The following ZC3H18 variants were observed in gnomAD, a reference collection of about 807,000 sequenced individuals.
The protein encoded by ZC3H18 is zinc finger CCCH-type containing 18, also known as zinc finger CCCH domain-containing protein 18.
In ZC3H18, 8 loss-of-function variants were observed where a neutral mutation model predicts 106.1. The observed-to-expected ratio is 0.08, with a 90% CI of 0.04 to 0.14. The LOEUF (loss-of-function observed/expected upper bound fraction) is 0.14. Ranked by LOEUF, ZC3H18 falls within the 10% of genes least tolerant of loss-of-function variation. The pLI is 1.00. For missense variants in ZC3H18, 1,318 were observed against 1,278.4 expected (o/e 1.03, Z -0.47); for synonymous variants, 635 against 522.1 (o/e 1.22, Z -2.95).
intron 1 of ZC3H18, among the ~76,000 whole-genome samples, chr16:88,573,892 G>A (rs1033998974): frequency 3.3e-5 from 5 of 150,642 alleles, no homozygotes; most frequent in Admixed American, 3.3e-4. Context: ...TTTTTTTTGA[G>A]ACGGAGTTTT....
intron 3 of ZC3H18, 78 bp from the exon 4 acceptor site, chr16:88,598,100 C>CAGAG: frequency 7.5e-6 from 2 of 266,572 alleles, no homozygotes; most frequent in South Asian, 2.7e-5. Context: ...CTGCCCCCTC[C>CAGAG]CACCCCCCAC....
Position 88,627,544 on chromosome 16 carries a change from A to C in ZC3H18, c.2109-78A>C. The C allele has an allele frequency of 6.6e-7, 1 of 1,523,970 alleles. No individual in the cohort carries two copies. Among genetic ancestry groups the C allele is most frequent in the Non-Finnish European group, 8.8e-7 (1 of 1,130,106 alleles). The allele number at this position is 1,523,970 out of a possible 1,614,324, so 94.4% of individuals were successfully genotyped here. A position where few individuals can be genotyped will look rare whatever the true frequency, so the allele number is the denominator to read the frequency against. Reference sequence around the variant, plus strand: ...GATCCATAAATGGACACTGCGTAAAAGTGGACCATGGAGCACCCCCTGCTG... The same window carrying C: ...GATCCATAAATGGACACTGCGTAAACGTGGACCATGGAGCACCCCCTGCTG... On this transcript the variant is annotated intron_variant, in intron 13 of 17. Transcript: ENST00000301011. The surrounding 1 kb of genome is among the most constrained non-coding windows in gnomAD (Gnocchi z 4.5).
intron 2 of ZC3H18, among the ~76,000 whole-genome samples, chr16:88,580,156 CTGTGTGTGTGTGTGTGTGTGTGTGTGTG>C (rs56406234): frequency 3.9e-5 from 5 of 126,844 alleles, no homozygotes; most frequent in African/African-American, 6.2e-5. Context: ...ACAGGTTCAT[CTGTGTGTGTGTGTGTGTGTGTGTGTGTG>C]TGTGTGTGTG....
Position 88,598,126 on chromosome 16 carries a change from T to C in ZC3H18, c.689-52T>C, listed in dbSNP as rs369503297. ...CACCCCCCACCCCAGCAGCTGCCCTTGTGCAATTAGGCTCTTGTGGACCCT... is the reference window on the plus strand; with the variant it reads ...CACCCCCCACCCCAGCAGCTGCCCTCGTGCAATTAGGCTCTTGTGGACCCT... On this transcript the variant is annotated intron_variant, in intron 3 of 17. Transcript: ENST00000301011. The C allele has an allele frequency of 1.1e-5, 8 of 722,470 alleles. No individual in the cohort carries two copies. In the African/African-American group the frequency reaches 1.9e-4, roughly 17 times the overall value. 44.8% of individuals were successfully genotyped at this position (722,470 alleles called of 1,614,324 possible). A position where few individuals can be genotyped will look rare whatever the true frequency, so the allele number is the denominator to read the frequency against.
intron 8 of ZC3H18, among the ~76,000 whole-genome samples, chr16:88,612,795 A>G (rs1056925783): frequency 1.7e-4 from 26 of 152,066 alleles, no homozygotes; most frequent in Admixed American, 3.9e-4. Flanking sequence ...TGAGCTCAGG[A>G]ATTGAGATCA....
chr16:88,611,806 C>G (rs975099354), intron 8 of ZC3H18, among the ~76,000 whole-genome samples: 2 of 152,210 alleles, frequency 1.3e-5, no homozygotes, highest in Non-Finnish European at 1.5e-5. Flanking sequence ...AAAATGCTTA[C>G]AGTCCACGTG....
intron 3 of ZC3H18, among the ~76,000 whole-genome samples, chr16:88,588,131 C>G (rs1236572843): frequency 6.6e-6 from 1 of 152,200 alleles, no homozygotes; most frequent in Non-Finnish European, 1.5e-5. Flanking sequence ...TTCACAGTGT[C>G]AGTATTTAAA....
rs778547212 is a variant in ZC3H18, at chr16:88,623,274, C to T, written c.1723C>T (p.Arg575Trp). 11 of 1,613,802 alleles carry T rather than the reference C, an allele frequency of 6.8e-6. No homozygotes were observed. Among genetic ancestry groups the T allele is most frequent in the African/African-American group, 2.7e-5 (2 of 75,048 alleles). The change falls in exon 10 of 18, where the codon CGG becomes TGG. Residue 575 changes from arginine (R) to tryptophan (W), a missense_variant. This residue lies in a region of ZC3H18 where 848 missense variants were observed against 821.7 expected (regional missense o/e 1.03). Transcript: ENST00000301011. ...CTCCGGCTCCTCCCGGTCGCGATCC[C>T]GGTCTTCATCCTACAGCTCCTACTC... ...SGSGSSRSRS[R>W]SSSYSSYSSR...
chr16:88,630,762 C>CG, intron 17 of ZC3H18, among the ~76,000 whole-genome samples, 181 bp downstream of exon 17: 1 of 111,318 alleles, frequency 9.0e-6, no homozygotes. Flanking sequence ...CCCCACCCCC[C>CG]CCCACACACA....
intron 1 of ZC3H18, among the ~76,000 whole-genome samples, chr16:88,572,384 A>G (rs1597313180): frequency 6.6e-6 from 1 of 151,686 alleles, no homozygotes; most frequent in Non-Finnish European, 1.5e-5. Context: ...GCTCACCGCA[A>G]CCTCCTCCTC....
At chr16:88,628,350 G>A (rs897661869) in intron 15 of ZC3H18, among the ~76,000 whole-genome samples, 2 of 152,174 alleles carry the variant, frequency 1.3e-5, no homozygotes, top group Admixed American at 1.3e-4. Flanking sequence ...AACAGAGAGG[G>A]CGTTCTCTTC....
In ZC3H18 at chr16:88,627,508, C is replaced by G; in HGVS notation, c.2109-114C>G. On this transcript the variant is annotated intron_variant, in intron 13 of 17. Coordinates refer to ENST00000301011, the MANE Select transcript of ZC3H18 (RefSeq NM_144604.4). The surrounding 1 kb of genome is among the most constrained non-coding windows in gnomAD (Gnocchi z 4.5). ...AGTGTCCCCCCAAAATCACACATTC[C>G]GTGGGTACATGATCCATAAATGGAC... 4.3e-6 allele frequency: 6 copies of G among 1,396,188 alleles called. No homozygotes were observed. The highest frequency in any genetic ancestry group is 5.8e-6 in the Non-Finnish European group (6 of 1,034,876). 86.5% of individuals were successfully genotyped at this position (1,396,188 alleles called of 1,614,324 possible).
chr16:88,621,733 C>T lies in ZC3H18; in HGVS notation c.1476-464C>T, dbSNP rs1258626755. On this transcript the variant is annotated intron_variant, in intron 8 of 17. Transcript: ENST00000301011. ...CTGGAACTCCCGACCTCAAGTAATC[C>T]ACCCGCCTCGTCCTCGCAAAGTGCT... Among the ~76,000 whole-genome samples the T allele has an allele frequency of 5.9e-5, 9 of 152,190 alleles. No individual in the cohort carries two copies. In the East Asian group the frequency reaches 1.7e-3, roughly 29 times the overall value.
chr16:88,619,899 G>A (rs1905855410), intron 8 of ZC3H18, among the ~76,000 whole-genome samples: 1 of 152,186 alleles, frequency 6.6e-6, no homozygotes, highest in Admixed American at 6.5e-5. Context: ...GTATAAAGGT[G>A]AAAGTAGCTC....
intron 6 of ZC3H18, among the ~76,000 whole-genome samples, chr16:88,603,749 A>G (rs1344638810): frequency 6.6e-6 from 1 of 150,536 alleles, no homozygotes; most frequent in African/African-American, 2.4e-5. Context: ...CAGCTTACCA[A>G]GTAGCTGGGA....
chr16:88,622,497 G>A (rs868574448), intron 9 of ZC3H18, 109 bp downstream of exon 9: 12 of 1,280,736 alleles, frequency 9.4e-6, no homozygotes, highest in East Asian at 5.1e-5. Context: ...ACTGTTTGCT[G>A]TGGCGTCGTT....
At position 88,625,490 on chromosome 16, in the gene ZC3H18, T is replaced by G. The variant is rs553063129; in HGVS notation, c.2108+223T>G. 22 of 587,560 alleles carry G rather than the reference T, an allele frequency of 3.7e-5. 1 individual carries two copies. In the South Asian group the frequency reaches 4.2e-4, roughly 11 times the overall value. 36.4% of individuals were successfully genotyped at this position (587,560 alleles called of 1,614,324 possible). A position where few individuals can be genotyped will look rare whatever the true frequency, so the allele number is the denominator to read the frequency against. On this transcript the variant is annotated intron_variant, in intron 13 of 17. Transcript: ENST00000301011. ...CCCCCTCCCCCCACCAAAAAAAGAT[T>G]CACAAACTCGGGGGCACTCAGGTCA...
chr16:88,599,939 G>T lies in ZC3H18; in HGVS notation c.1079G>T (p.Arg360Ile), dbSNP rs761115801. ...DWNSRIPRDV[R>I]DTVLEPYADP... Reference sequence around the variant, plus strand: ...AATTCTCGGATCCCGAGAGATGTCAGAGACACAGTGTAAGGAATGGCCCTG... The same window carrying T: ...AATTCTCGGATCCCGAGAGATGTCATAGACACAGTGTAAGGAATGGCCCTG... The change falls in exon 6 of 18, where the codon AGA becomes ATA. Residue 360 changes from arginine to isoleucine, a missense_variant. Physicochemically the swap from Arg to Ile is moderately conservative, Grantham distance 97. Transcript: ENST00000301011. The T allele has an allele frequency of 1.9e-6, 3 of 1,613,922 alleles. No homozygotes were observed. In the Admixed American group the frequency reaches 5.0e-5, roughly 27 times the overall value.
At chr16:88,629,374 G>A (rs1424332801) in intron 16 of ZC3H18, among the ~76,000 whole-genome samples, 1 of 152,240 alleles carries the variant, frequency 6.6e-6, no homozygotes, top group East Asian at 1.9e-4. Context: ...TACTTGGGAG[G>A]CTGAGGCAGG....
Sources: allele counts gnomAD v4.1 joint callset (sites outside exome capture counted in the v4.1 genomes callset), GRCh38; gene constraint gnomAD v4.1.1; regional missense constraint gnomAD v4.1.1; non-coding constraint Gnocchi (gnomAD v3.1); transcripts MANE v1.5; gene names NCBI Gene and HGNC (gene_info 2026-07-23, HGNC 2026-07-21).